Variants in FUT9 observed in about 807,000 individuals in gnomAD.
FUT9 encodes the protein fucosyltransferase 9.
A neutral mutation model predicts 29.7 loss-of-function variants in FUT9; 15 were observed. That is an observed-to-expected ratio of 0.51 (90% CI 0.34 to 0.78). FUT9 has a LOEUF of 0.78. FUT9 is among the 30% of genes least tolerant of loss of function. The pLI is 0.01. For missense variants in FUT9, 319 were observed against 425.4 expected (o/e 0.75, Z 2.20); for synonymous variants, 169 against 153.7 (o/e 1.10, Z -0.74).
chr6:96,209,444 C>T lies in FUT9; in HGVS notation c.*5209C>T, dbSNP rs904144604. The stretch of plus-strand genomic sequence containing the variant: ...GTCTATGACTTTTGAACTCACTGCT[C>T]ACTGACATCTTAATTGCCTGCAGAA... On this transcript the variant is annotated 3_prime_UTR_variant, in exon 3 of 3. Coordinates refer to ENST00000302103, the MANE Select transcript of FUT9 (RefSeq NM_006581.4). 1.2e-5 allele frequency: 2 copies of T among 166,864 alleles called. No individual in the cohort carries two copies. The highest frequency in any genetic ancestry group is 4.8e-5 in the African/African-American group (2 of 41,426). 10.3% of individuals were successfully genotyped at this position (166,864 alleles called of 1,614,324 possible).
intron 2 of FUT9, among the ~76,000 whole-genome samples, chr6:96,185,782 A>G (rs958596610): frequency 2.0e-5 from 3 of 152,124 alleles, no homozygotes; most frequent in African/African-American, 7.2e-5. Context: ...TTGTGTTCAC[A>G]AAATATGGAA....
rs1478681287 is a variant in FUT9, at chr6:96,208,076, T to C, written c.*3841T>C. 2 of 166,928 alleles carry C rather than the reference T, an allele frequency of 1.2e-5. No homozygotes were observed. The highest frequency in any genetic ancestry group is 4.8e-5 in the African/African-American group (2 of 41,448). 10.3% of individuals were successfully genotyped at this position (166,928 alleles called of 1,614,324 possible). A position where few individuals can be genotyped will look rare whatever the true frequency, so the allele number is the denominator to read the frequency against. Reference sequence around the variant, plus strand: ...TTAGATTGTGCAGAAATGTTTCTTATTTTGAGGGGCTTAGAAAGCTCAGCG... The same window carrying C: ...TTAGATTGTGCAGAAATGTTTCTTACTTTGAGGGGCTTAGAAAGCTCAGCG... On this transcript the variant is annotated 3_prime_UTR_variant, in exon 3 of 3. Transcript: ENST00000302103.
intron 1 of FUT9, among the ~76,000 whole-genome samples, chr6:96,052,020 A>C (rs953718726): frequency 6.6e-6 from 1 of 152,130 alleles, no homozygotes; most frequent in African/African-American, 2.4e-5. Flanking sequence ...TTTATATAGA[A>C]AAGAGGTTTA....
intron 2 of FUT9, among the ~76,000 whole-genome samples, chr6:96,179,048 G>A (rs574673874): frequency 2.6e-5 from 4 of 152,150 alleles, no homozygotes; most frequent in Non-Finnish European, 5.9e-5. Flanking sequence ...ACAAGAAGCA[G>A]AAACCTCATT....
At chr6:96,175,447 A>G (rs1773186596) in intron 2 of FUT9, among the ~76,000 whole-genome samples, 1 of 152,258 alleles carries the variant, frequency 6.6e-6, no homozygotes. Context: ...TTTGAAAGAA[A>G]CAGAGAAAAA....
intron 1 of FUT9, among the ~76,000 whole-genome samples, chr6:96,084,599 T>A (rs1488371508): frequency 6.6e-6 from 1 of 152,112 alleles, no homozygotes; most frequent in East Asian, 1.9e-4. Context: ...ATTAGCAAAT[T>A]AGCAACACAG....
chr6:96,141,943 C>T (rs930828415), intron 2 of FUT9, among the ~76,000 whole-genome samples: 2 of 152,168 alleles, frequency 1.3e-5, no homozygotes, highest in African/African-American at 2.4e-5. Flanking sequence ...TATCTCTTCT[C>T]CATTTTACAT....
rs1211867806 is a variant in FUT9 at position 96,069,048 on chromosome 6, G to A, written c.-97-44991G>A. Among the ~76,000 whole-genome samples the A allele has an allele frequency of 2.0e-5, 3 of 152,316 alleles. No individual in the cohort carries two copies. In the East Asian group the frequency reaches 5.8e-4, roughly 29 times the overall value. ...TTAAGAATCATTGACCGGGCGCAGTGGCTTACGCCTGTCATTCCAGCACTT... is the reference window on the plus strand; with the variant it reads ...TTAAGAATCATTGACCGGGCGCAGTAGCTTACGCCTGTCATTCCAGCACTT... On this transcript the variant is annotated intron_variant, in intron 1 of 2. Transcript: ENST00000302103.
chr6:96,091,692 G>C (rs1771414175), intron 1 of FUT9, among the ~76,000 whole-genome samples: 1 of 152,012 alleles, frequency 6.6e-6, no homozygotes, highest in Non-Finnish European at 1.5e-5. Flanking sequence ...GAGAGTGAGA[G>C]CACAAATCTG....
At chr6:96,071,538 C>T (rs1675931612) in intron 1 of FUT9, among the ~76,000 whole-genome samples, 1 of 152,090 alleles carries the variant, frequency 6.6e-6, no homozygotes, top group African/African-American at 2.4e-5. Flanking sequence ...TTGGTTTGCC[C>T]ATGGCAAATC....
intron 1 of FUT9, among the ~76,000 whole-genome samples, chr6:96,040,072 T>G (rs9386299): frequency 0.08 from 12,098 of 152,168 alleles, 747 homozygotes; most frequent in East Asian, 0.33. Context: ...TATCATACCA[T>G]GTATGTGACC....
intron 1 of FUT9, chr6:96,020,835 A>T (rs1770055685): frequency 6.6e-6 from 1 of 152,110 alleles, no homozygotes; most frequent in Non-Finnish European, 1.5e-5. Flanking sequence ...TTCTTATAGC[A>T]CATCAAGATG....
At chr6:96,098,367 T>C (rs2127955975) in intron 1 of FUT9, among the ~76,000 whole-genome samples, 1 of 152,308 alleles carries the variant, frequency 6.6e-6, no homozygotes, top group Middle Eastern at 3.4e-3. Context: ...ATTCAAGTAA[T>C]GTTCCAGGCA....
intron 1 of FUT9, among the ~76,000 whole-genome samples, chr6:96,069,463 A>T (rs1771017400): frequency 6.6e-6 from 1 of 152,136 alleles, no homozygotes; most frequent in African/African-American, 2.4e-5. Flanking sequence ...AAGATTTTTA[A>T]AAATATAGTT....
Position 96,119,635 on chromosome 6 carries a change from TAA to T in FUT9, c.-9+5510_-9+5511del, listed in dbSNP as rs202071735. Among the ~76,000 whole-genome samples, 1,089 of 152,306 alleles carry T rather than the reference TAA, an allele frequency of 7.2e-3. 21 individuals are homozygous for T. The highest frequency in any genetic ancestry group is 0.043 in the East Asian group (223 of 5,182). On this transcript the variant is annotated intron_variant, in intron 2 of 2. Transcript: ENST00000302103. ...TTTATACATAGTATCTCAGAGGAAATAAAGTCATTTTATAAAGCCAAGCTAAC... is the reference window on the plus strand; with the variant it reads ...TTTATACATAGTATCTCAGAGGAAATAGTCATTTTATAAAGCCAAGCTAAC...
At chr6:96,018,314 G>A (rs1244679775) in intron 1 of FUT9, among the ~76,000 whole-genome samples, 1 of 152,082 alleles carries the variant, frequency 6.6e-6, no homozygotes, top group Non-Finnish European at 1.5e-5. Context: ...CCATAATTAT[G>A]TTAATGATAA....
At chr6:96,030,603 G>A (rs548643035) in intron 1 of FUT9, among the ~76,000 whole-genome samples, 1 of 151,518 alleles carries the variant, frequency 6.6e-6, no homozygotes, top group South Asian at 2.1e-4. Flanking sequence ...AATATCATAT[G>A]ACCCAGCAAT....
At chr6:96,161,763 A>C (rs2127980113) in intron 2 of FUT9, among the ~76,000 whole-genome samples, 1 of 152,354 alleles carries the variant, frequency 6.6e-6, no homozygotes, top group African/African-American at 2.4e-5. Flanking sequence ...TAACTTCTGC[A>C]TTATTAATAT....
chr6:96,073,695 G>A (rs974960814), intron 1 of FUT9, among the ~76,000 whole-genome samples: 5 of 152,064 alleles, frequency 3.3e-5, no homozygotes, highest in African/African-American at 1.2e-4. Context: ...AAAGGGCGAT[G>A]GGGAACAGAA....
Sources: allele counts gnomAD v4.1 joint callset (sites outside exome capture counted in the v4.1 genomes callset), GRCh38; gene constraint gnomAD v4.1.1; transcripts MANE v1.5; gene names NCBI Gene and HGNC (gene_info 2026-07-23, HGNC 2026-07-21).